LYN: variants seen among roughly 807,000 people sequenced by gnomAD.
LYN encodes tyrosine-protein kinase Lyn.
Under a neutral mutation model 65.0 loss-of-function variants are expected in LYN, and 12 were observed. The ratio of observed to expected loss-of-function variants is 0.18; its 90% CI spans 0.12 to 0.30. LYN has a LOEUF of 0.30. Among genes scored for constraint, LYN ranks in the 10% least tolerant of loss-of-function variants. The probability of loss-of-function intolerance (pLI) is 1.00; values close to 1 mark genes in which losing one functional copy is unlikely to be tolerated. For missense variants in LYN, 380 were observed against 623.2 expected, an observed-to-expected ratio of 0.61 and a Z score of 4.16; for synonymous variants, 222 against 221.2, an observed-to-expected ratio of 1.00 and a Z score of -0.03.
intron 9 of LYN, among the ~76,000 whole-genome samples, chr8:55,968,375 C>T (rs1224931047): frequency 6.6e-6 from 1 of 152,156 alleles, no homozygotes; most frequent in Non-Finnish European, 1.5e-5. Flanking sequence ...CCTGCCTCAG[C>T]CTCCCAAGTA....
intron 8 of LYN, among the ~76,000 whole-genome samples, chr8:55,956,705 A>T (rs1396169297): frequency 2.0e-5 from 3 of 152,128 alleles, no homozygotes; most frequent in African/African-American, 7.2e-5. Flanking sequence ...CTCCTTGAAC[A>T]TGTCTATTCC....
intron 1 of LYN, among the ~76,000 whole-genome samples, chr8:55,906,518 A>C (rs989199901): frequency 1.3e-5 from 2 of 151,860 alleles, no homozygotes; most frequent in East Asian, 1.9e-4. Context: ...CACCACGCCC[A>C]GCTAATTTTT....
chr8:55,968,644 A>G (rs1807525813), intron 9 of LYN, among the ~76,000 whole-genome samples: 1 of 152,246 alleles, frequency 6.6e-6, no homozygotes, highest in Admixed American at 6.5e-5. Flanking sequence ...TCTTTTCAGC[A>G]GCCTGAGGGC....
intron 1 of LYN, among the ~76,000 whole-genome samples, chr8:55,903,992 G>C (rs1805351973): frequency 8.0e-6 from 1 of 124,574 alleles, no homozygotes. Context: ...TTACAACAGA[G>C]TAAGACAGAG....
At chr8:55,994,007 G>C (rs1305718730) in intron 10 of LYN, among the ~76,000 whole-genome samples, 1 of 152,210 alleles carries the variant, frequency 6.6e-6, no homozygotes, top group Admixed American at 6.5e-5. Flanking sequence ...GGAAGAGGAA[G>C]AAGGTATTCC....
chr8:55,927,098 T>C (rs142099650), intron 1 of LYN, among the ~76,000 whole-genome samples: 176 of 152,372 alleles, frequency 1.2e-3, no homozygotes, highest in African/African-American at 4.1e-3. Flanking sequence ...TGTTGATACA[T>C]TAATTAAAAT....
At chr8:55,883,629 G>A (rs1223545170) in intron 1 of LYN, among the ~76,000 whole-genome samples, 1 of 152,202 alleles carries the variant, frequency 6.6e-6, no homozygotes, top group Admixed American at 6.5e-5. Context: ...TGCTGGGAGT[G>A]TCTCCCTGTA....
chr8:55,905,012 C>T (rs1488832030), intron 1 of LYN, among the ~76,000 whole-genome samples: 2 of 152,180 alleles, frequency 1.3e-5, no homozygotes, highest in Non-Finnish European at 2.9e-5. Context: ...GGGGCCTAAG[C>T]ATCAGTATTT....
At chr8:55,968,481 T>C (rs1807521769) in intron 9 of LYN, among the ~76,000 whole-genome samples, 1 of 152,180 alleles carries the variant, frequency 6.6e-6, no homozygotes, top group Non-Finnish European at 1.5e-5. Context: ...GGTCTTAAAC[T>C]CCCGACCTCA....
At chr8:55,900,539 A>ATTTTTTTTT (rs5891598) in intron 1 of LYN, among the ~76,000 whole-genome samples, 1 of 126,448 alleles carries the variant, frequency 7.9e-6, no homozygotes, top group Non-Finnish European at 1.7e-5. Flanking sequence ...TGCCCAGCTA[A>ATTTTTTTTT]TTTTTTTTTT....
intron 12 of LYN, among the ~76,000 whole-genome samples, chr8:56,008,124 A>AAAAAATAAAT (rs1221275260): frequency 3.5e-5 from 3 of 86,638 alleles, no homozygotes; most frequent in African/African-American, 1.2e-4. Context: ...GCCTCAAAAA[A>AAAAAATAAAT]AAAATAAAAT....
At chr8:55,951,866 A>G in intron 6 of LYN, 100 bp from the exon 7 acceptor site, 1 of 889,324 alleles carries the variant, frequency 1.1e-6, no homozygotes, top group South Asian at 1.7e-5. Context: ...AAATATATGT[A>G]TTTTGCATAT....
At chr8:55,997,023 T>TG (rs1808388120) in intron 10 of LYN, among the ~76,000 whole-genome samples, 1 of 152,032 alleles carries the variant, frequency 6.6e-6, no homozygotes, top group Non-Finnish European at 1.5e-5. Context: ...TCGCCAGGCA[T>TG]GGTGGTGCGT....
rs111951441 is a variant in LYN, at chr8:55,939,462, A to AAGAGAGAGAGAGAGAGAG, written c.-5-2385_-5-2368dup. ...TTTCCGTCCTTCCTTTTCCCAAGAG[A>AAGAGAGAGAGAGAGAGAG]AGAGAGAGAGAGAGAGAGAGAGAGA... is the stretch of plus-strand genomic sequence containing the variant. On this transcript the variant is annotated intron_variant, in intron 1 of 12. Transcript: ENST00000519728. Among the ~76,000 whole-genome samples, 1,252 of 148,286 alleles carry AAGAGAGAGAGAGAGAGAG rather than the reference A, an allele frequency of 8.4e-3. 23 individuals are homozygous for AAGAGAGAGAGAGAGAGAG. The highest frequency in any genetic ancestry group is 0.03 in the African/African-American group (1,198 of 39,544).
At chr8:55,935,893 C>G (rs1806421032) in intron 1 of LYN, among the ~76,000 whole-genome samples, 2 of 151,982 alleles carry the variant, frequency 1.3e-5, no homozygotes, top group Admixed American at 1.3e-4. Context: ...CTCACCAAGT[C>G]TCTCCAGCAC....
intron 10 of LYN, among the ~76,000 whole-genome samples, chr8:55,988,096 G>T (rs954606482): frequency 1.3e-5 from 2 of 152,160 alleles, no homozygotes; most frequent in Admixed American, 1.3e-4. Flanking sequence ...AAACAAGAAT[G>T]CATGAGCTCT....
At chr8:55,906,741 A>G (rs1382978754) in intron 1 of LYN, among the ~76,000 whole-genome samples, 2 of 149,526 alleles carry the variant, frequency 1.3e-5, no homozygotes, top group Non-Finnish European at 3.0e-5. Context: ...AAAAAGAGAG[A>G]GAGAGGAGAG....
intron 1 of LYN, among the ~76,000 whole-genome samples, chr8:55,910,899 GTTT>G (rs767304702): frequency 8.1e-6 from 1 of 123,426 alleles, no homozygotes. Flanking sequence ...TACTAATTTT[GTTT>G]TTTTTTTTTT....
chr8:55,997,557 G>A (rs972647759), intron 10 of LYN, among the ~76,000 whole-genome samples: 7 of 152,150 alleles, frequency 4.6e-5, no homozygotes, highest in Middle Eastern at 6.8e-3. Context: ...AATCCCATTC[G>A]TGAGGGCTCC....
Sources: allele counts gnomAD v4.1 joint callset (sites outside exome capture counted in the v4.1 genomes callset), GRCh38; gene constraint gnomAD v4.1.1; transcripts MANE v1.5; gene names NCBI Gene and HGNC (gene_info 2026-07-23, HGNC 2026-07-21).